Variants in PPIL4 observed in about 807,000 individuals in gnomAD.
PPIL4 encodes the protein peptidyl-prolyl cis-trans isomerase-like 4.
A neutral mutation model predicts 69.1 loss-of-function variants in PPIL4; 50 were observed. The ratio of observed to expected loss-of-function variants is 0.72; its 90% CI spans 0.58 to 0.92. PPIL4 has a LOEUF of 0.92. Among genes scored for constraint, PPIL4 ranks in the 40% least tolerant of loss-of-function variants. PPIL4 has a pLI of 0.00. For synonymous variants in PPIL4, 193 were observed against 191.6 expected (o/e 1.01, Z -0.06); for missense variants, 480 against 587.9 (o/e 0.82, Z 1.90).
Position 149,505,586 on chromosome 6 carries a change from C to T in PPIL4, c.1346G>A (p.Arg449Lys). The T allele has an allele frequency of 1.2e-6, 2 of 1,614,116 alleles. No homozygotes were observed. Among genetic ancestry groups the T allele is most frequent in the Non-Finnish European group, 1.7e-6 (2 of 1,180,020 alleles). Residue 449 changes from arginine (R) to lysine (K), a missense_variant, in exon 13 of 13, where the codon AGG (arginine) becomes AAG (lysine). Coordinates refer to ENST00000253329, the MANE Select transcript of PPIL4 (RefSeq NM_139126.4). ...ATGACTATTACTATAATGGCCATCC[C>T]TCTCTCGAGATCGGCTACGACTTCG... ...QNRSRSRSRE[R>K]DGHYSNSHKS...
chr6:149,545,090 C>T (rs1164568153), intron 1 of PPIL4, among the ~76,000 whole-genome samples: 2 of 152,162 alleles, frequency 1.3e-5, no homozygotes, highest in African/African-American at 4.8e-5. Context: ...CTGACCTAGG[C>T]GTATCTGACC....
In PPIL4 at chr6:149,505,469, T is replaced by G; in HGVS notation, c.1463A>C (p.Lys488Thr). ...RSPKKSKDKE[K>T]SKYR Reference sequence around the variant, plus strand: ...CTTCATCTTTCATCTATACTTAGATTTTTCTTTATCTTTGGACTTCTTTGG... The same window carrying G: ...CTTCATCTTTCATCTATACTTAGATGTTTCTTTATCTTTGGACTTCTTTGG... The change falls in exon 13 of 13, where the codon AAA becomes ACA. Residue 488 changes from lysine (K) to threonine (T), a missense_variant. Lys to Thr is a moderately conservative substitution (Grantham distance 78, BLOSUM62 -1). Coordinates refer to ENST00000253329, the MANE Select transcript of PPIL4 (RefSeq NM_139126.4). The G allele has an allele frequency of 6.2e-7, 1 of 1,612,314 alleles. No individual in the cohort carries two copies. The highest frequency in any genetic ancestry group is 8.5e-7 in the Non-Finnish European group (1 of 1,179,652).
At chr6:149,545,810 T>A (rs958618521) in intron 1 of PPIL4, 126 bp downstream of exon 1, 6 of 844,490 alleles carry the variant, frequency 7.1e-6, no homozygotes, top group Non-Finnish European at 1.1e-5. Context: ...AATAGCCCAG[T>A]CGCGGGCACC....
chr6:149,511,026 G>C (rs543575628), intron 12 of PPIL4, among the ~76,000 whole-genome samples: 2 of 152,218 alleles, frequency 1.3e-5, no homozygotes, highest in East Asian at 1.9e-4. Flanking sequence ...ATGGCCAGCA[G>C]TATGTAAACC....
intron 4 of PPIL4, among the ~76,000 whole-genome samples, chr6:149,539,026 T>C (rs1196862936): frequency 6.6e-6 from 1 of 152,120 alleles, no homozygotes; most frequent in African/African-American, 2.4e-5. Context: ...TTTGTATTTT[T>C]AGTAGAGACG....
Position 149,533,458 on chromosome 6 carries a change from C to T in PPIL4, c.678G>A (p.Met226Ile), listed in dbSNP as rs1272378354. 1 of 1,457,712 alleles carries T rather than the reference C, an allele frequency of 6.9e-7. No homozygotes were observed. Among genetic ancestry groups the T allele is most frequent in the African/African-American group, 1.4e-5 (1 of 71,876 alleles). The allele number at this position is 1,457,712 out of a possible 1,614,324, so 90.3% of individuals were successfully genotyped here. A position where few individuals can be genotyped will look rare whatever the true frequency, so the allele number is the denominator to read the frequency against. Reference protein sequence around the residue: ...EAKTQAILLEMVGDLPDADIK... With the variant: ...EAKTQAILLEIVGDLPDADIK... The stretch of plus-strand genomic sequence containing the variant: ...ATTTGAACAAAGATAATTATCTTAC[C>T]ATCTCCAAAAGTATAGCCTGAGTTT... Residue 226 changes from methionine to isoleucine, a missense_variant and splice_region_variant, in exon 7 of 13, where the codon ATG becomes ATA. Coordinates refer to ENST00000253329, the MANE Select transcript of PPIL4 (RefSeq NM_139126.4).
chr6:149,508,345 C>T (rs1776796233), intron 12 of PPIL4, among the ~76,000 whole-genome samples: 1 of 151,998 alleles, frequency 6.6e-6, no homozygotes. Flanking sequence ...GGTCTAGGTC[C>T]TTTCCAGTAT....
chr6:149,505,419 A>G lies in PPIL4; in HGVS notation c.*34T>C. The G allele has an allele frequency of 6.3e-7, 1 of 1,585,916 alleles. No homozygotes were observed. ...GCACTCTTAAGTTAGACAAGAGTAAATATGTTAGCCTCTCAATTCTGCCTC... is the reference window on the plus strand; with the variant it reads ...GCACTCTTAAGTTAGACAAGAGTAAGTATGTTAGCCTCTCAATTCTGCCTC... On this transcript the variant is annotated 3_prime_UTR_variant, in exon 13 of 13. Transcript: ENST00000253329.
chr6:149,533,312 A>C (rs962176120), intron 7 of PPIL4, 146 bp downstream of exon 7: 1 of 570,174 alleles, frequency 1.8e-6, no homozygotes, highest in African/African-American at 1.9e-5. Flanking sequence ...GAGCCAATTT[A>C]TTACTATGCC....
chr6:149,542,975 T>C (rs1264104645), intron 1 of PPIL4, among the ~76,000 whole-genome samples: 3 of 152,202 alleles, frequency 2.0e-5, no homozygotes, highest in Non-Finnish European at 4.4e-5. Flanking sequence ...CTTGAATATA[T>C]TTCTGGGCTT....
At chr6:149,519,312 A>G (rs931719488) in intron 10 of PPIL4, among the ~76,000 whole-genome samples, 2 of 152,164 alleles carry the variant, frequency 1.3e-5, no homozygotes, top group Non-Finnish European at 2.9e-5. Flanking sequence ...TATTTCATAC[A>G]CTTCCCAAAT....
chr6:149,508,012 G>C (rs781270677), intron 12 of PPIL4, among the ~76,000 whole-genome samples: 1 of 152,182 alleles, frequency 6.6e-6, no homozygotes, highest in African/African-American at 2.4e-5. Flanking sequence ...ATGTATGAAG[G>C]GGAAAAGTTA....
chr6:149,514,765 A>AGTGTGTGTGTGT (rs36117544), intron 11 of PPIL4, among the ~76,000 whole-genome samples: 95 of 149,356 alleles, frequency 6.4e-4, no homozygotes, highest in African/African-American at 2.3e-3. Context: ...TTTTGGTTCA[A>AGTGTGTGTGTGT]GTGTGTGTGT....
intron 4 of PPIL4, 71 bp from the exon 5 acceptor site, chr6:149,535,809 G>C: frequency 9.2e-7 from 1 of 1,085,370 alleles, no homozygotes; most frequent in South Asian, 1.8e-5. Context: ...GTTACAGACT[G>C]ACAAAAAAAT....
chr6:149,522,747 G>C (rs1285394511), intron 9 of PPIL4, among the ~76,000 whole-genome samples: 1 of 152,034 alleles, frequency 6.6e-6, no homozygotes, highest in African/African-American at 2.4e-5. Flanking sequence ...CGAGTAGTTG[G>C]GACTACAGGC....
In PPIL4 at chr6:149,505,418, AAT is replaced by A. The variant is rs1355756168; in HGVS notation, c.*33_*34del. The A allele has an allele frequency of 6.3e-7, 1 of 1,584,444 alleles. No homozygotes were observed. Among genetic ancestry groups the A allele is most frequent in the Non-Finnish European group, 8.6e-7 (1 of 1,167,704 alleles). The stretch of plus-strand genomic sequence containing the variant: ...GGCACTCTTAAGTTAGACAAGAGTA[AAT>A]ATGTTAGCCTCTCAATTCTGCCTCT... On this transcript the variant is annotated 3_prime_UTR_variant, in exon 13 of 13. Transcript: ENST00000253329.
intron 4 of PPIL4, among the ~76,000 whole-genome samples, chr6:149,540,334 C>T (rs372961980): frequency 7.3e-5 from 11 of 151,394 alleles, no homozygotes; most frequent in African/African-American, 2.7e-4. Context: ...TACTGAAAAA[C>T]GGCCAGGCGC....
intron 11 of PPIL4, chr6:149,517,107 AAAG>A: frequency 3.4e-6 from 1 of 293,194 alleles, no homozygotes; most frequent in East Asian, 6.4e-5. Context: ...AGTATTAATA[AAAG>A]AATTAGGCTA....
At position 149,541,051 on chromosome 6, in the gene PPIL4, T is replaced by C. The variant is rs780055314; in HGVS notation, c.212A>G (p.Tyr71Cys). 3.1e-6 allele frequency: 5 copies of C among 1,598,130 alleles called. No individual in the cohort carries two copies. The highest frequency in any genetic ancestry group is 1.7e-4 in the Middle Eastern group (1 of 6,030). The change falls in exon 4 of 13, where the codon TAT becomes TGT. Residue 71 changes from tyrosine to cysteine, a missense_variant. By Grantham distance (194) the Tyr-to-Cys change is radical (BLOSUM62 -2). Transcript: ENST00000253329. ...CTCAAAAAAGCTTGCTTGATCACCA[T>C]ACAGTTGGCTGAAAAAACATATAAG... is the stretch of plus-strand genomic sequence containing the variant. ...RGGESIFGQL[Y>C]GDQASFFEAE...
Sources: allele counts gnomAD v4.1 joint callset (sites outside exome capture counted in the v4.1 genomes callset), GRCh38; gene constraint gnomAD v4.1.1; transcripts MANE v1.5; gene names NCBI Gene and HGNC (gene_info 2026-07-23, HGNC 2026-07-21).